The following SLC12A2 variants were observed in gnomAD, a reference collection of about 807,000 sequenced individuals.
SLC12A2 encodes the protein Na-K-2Cl cotransporter 1.
In SLC12A2, 67 loss-of-function variants were observed where a neutral mutation model predicts 136.3. The observed-to-expected ratio is 0.49, with a 90% confidence interval of 0.40 to 0.60. The LOEUF (loss-of-function observed/expected upper bound fraction) is 0.60, where lower values mean the gene tolerates loss of function less well. SLC12A2 is among the 20% of genes least tolerant of loss of function. SLC12A2 has a pLI of 0.00. For missense variants in SLC12A2, 1,322 were observed against 1,534.7 expected (o/e 0.86, Z 2.32); for synonymous variants, 619 against 562.9 (o/e 1.10, Z -1.41).
chr5:128,130,076 G>T, intron 4 of SLC12A2, among the ~76,000 whole-genome samples: 2 of 148,936 alleles, frequency 1.3e-5, no homozygotes, highest in South Asian at 2.1e-4. Flanking sequence ...ACCACAAATT[G>T]TCTTAATTAA....
At chr5:128,158,948 A>G (rs1404983660) in intron 16 of SLC12A2, among the ~76,000 whole-genome samples, 1 of 147,956 alleles carries the variant, frequency 6.8e-6, no homozygotes, top group Non-Finnish European at 1.5e-5. Flanking sequence ...TTTATGCTGT[A>G]TATAATTTGT....
chr5:128,165,169 C>G (rs1450624845), intron 17 of SLC12A2, among the ~76,000 whole-genome samples: 2 of 152,088 alleles, frequency 1.3e-5, no homozygotes, highest in African/African-American at 4.8e-5. Flanking sequence ...AAAAAAGAGA[C>G]AATCTTATCA....
At chr5:128,098,670 A>G (rs940658741) in intron 1 of SLC12A2, among the ~76,000 whole-genome samples, 2 of 151,746 alleles carry the variant, frequency 1.3e-5, no homozygotes, top group Non-Finnish European at 2.9e-5. Flanking sequence ...GGCACTTTTT[A>G]TCTAGGCTCA....
At chr5:128,109,313 T>G (rs1218589035) in intron 1 of SLC12A2, among the ~76,000 whole-genome samples, 1 of 152,258 alleles carries the variant, frequency 6.6e-6, no homozygotes, top group East Asian at 1.9e-4. Context: ...GTGATTGTCC[T>G]GGGGCGGCGG....
At chr5:128,179,645 T>C (rs964775183) in intron 22 of SLC12A2, among the ~76,000 whole-genome samples, 3 of 151,946 alleles carry the variant, frequency 2.0e-5, no homozygotes, top group Non-Finnish European at 4.4e-5. Context: ...GAGAGAGTCA[T>C]AGAGAGGAGA....
At chr5:128,154,535 C>T (rs1213659841) in intron 15 of SLC12A2, among the ~76,000 whole-genome samples, 1 of 152,086 alleles carries the variant, frequency 6.6e-6, no homozygotes, top group Admixed American at 6.5e-5. Flanking sequence ...TAGTTGCCTG[C>T]TCCTCATATC....
At chr5:128,104,481 A>G (rs1236039197) in intron 1 of SLC12A2, among the ~76,000 whole-genome samples, 1 of 151,964 alleles carries the variant, frequency 6.6e-6, no homozygotes, top group African/African-American at 2.4e-5. Context: ...AAAAATACAA[A>G]ATTAGCCGGA....
rs536281134 is a variant in SLC12A2, at chr5:128,188,695, T to C, written c.*2064T>C. 6.6e-6 allele frequency: 1 copy of C among 150,642 alleles called. No individual in the cohort carries two copies. The highest frequency in any genetic ancestry group is 6.6e-5 in the Admixed American group (1 of 15,078). The allele number at this position is 150,642 out of a possible 1,614,324, so 9.3% of individuals were successfully genotyped here. On this transcript the variant is annotated 3_prime_UTR_variant, in exon 27 of 27. Coordinates refer to ENST00000262461, the MANE Select transcript of SLC12A2 (RefSeq NM_001046.3). Reference sequence around the variant, plus strand: ...ACCTAGGTATAGAGATCTGATAACTTGAATTCAGAATATTAAGAAAATGAA... The same window carrying C: ...ACCTAGGTATAGAGATCTGATAACTCGAATTCAGAATATTAAGAAAATGAA...
In SLC12A2 at chr5:128,114,493, G is replaced by A. The variant is rs1213457435; in HGVS notation, c.953-93G>A. 4 of 892,038 alleles carry A rather than the reference G, an allele frequency of 4.5e-6. No homozygotes were observed. In the East Asian group the frequency reaches 7.5e-5, roughly 17 times the overall value. 55.3% of individuals were successfully genotyped at this position (892,038 alleles called of 1,614,324 possible). On this transcript the variant is annotated intron_variant, in intron 3 of 26. Transcript: ENST00000262461. ...AATTGGGTAATTTATAACTTAAAATGTAGATTCAGTATTCTTAGACCAACC... is the reference window on the plus strand; with the variant it reads ...AATTGGGTAATTTATAACTTAAAATATAGATTCAGTATTCTTAGACCAACC...
At chr5:128,186,473 T>C in intron 26 of SLC12A2, 23 bp from the exon 27 acceptor site, 1 of 1,569,276 alleles carries the variant, frequency 6.4e-7, no homozygotes, top group Non-Finnish European at 8.6e-7. Context: ...TTTTTTTTTT[T>C]CTTTTTCTCT....
intron 1 of SLC12A2, among the ~76,000 whole-genome samples, chr5:128,099,619 T>C (rs759706962): frequency 6.6e-6 from 1 of 152,218 alleles, no homozygotes; most frequent in Admixed American, 6.5e-5. Flanking sequence ...CACAGACATA[T>C]TGTACAAGTG....
chr5:128,169,773 T>A (rs1763312623), intron 18 of SLC12A2: 1 of 152,142 alleles, frequency 6.6e-6, no homozygotes, highest in African/African-American at 2.4e-5. Flanking sequence ...AAAAGTGACA[T>A]TTTTTACAAA....
chr5:128,152,645 T>C (rs1762740248), intron 14 of SLC12A2, 61 bp from the exon 15 acceptor site: 2 of 981,246 alleles, frequency 2.0e-6, no homozygotes, highest in East Asian at 2.4e-5. Context: ...ATGCCTCAGA[T>C]TGGCTATTGA....
chr5:128,108,929 G>A (rs954888417), intron 1 of SLC12A2, among the ~76,000 whole-genome samples: 1 of 152,132 alleles, frequency 6.6e-6, no homozygotes, highest in Admixed American at 6.5e-5. Context: ...ATCATTGGTT[G>A]ATAATAGTTA....
chr5:128,090,542 G>A (rs1029181505), intron 1 of SLC12A2, among the ~76,000 whole-genome samples: 1 of 152,146 alleles, frequency 6.6e-6, no homozygotes, highest in African/African-American at 2.4e-5. Context: ...AAATGCTGGG[G>A]ATATAGCAGT....
intron 1 of SLC12A2, among the ~76,000 whole-genome samples, chr5:128,104,520 T>G (rs1376487591): frequency 6.6e-6 from 1 of 151,900 alleles, no homozygotes; most frequent in Non-Finnish European, 1.5e-5. Flanking sequence ...TAATCCCAGC[T>G]ACTTGGGAGG....
intron 10 of SLC12A2, among the ~76,000 whole-genome samples, chr5:128,144,608 C>T (rs1307293596): frequency 6.6e-6 from 1 of 152,176 alleles, no homozygotes; most frequent in Non-Finnish European, 1.5e-5. Flanking sequence ...AATCTTTAGT[C>T]TAAATCAGTC....
At chr5:128,139,800 C>T (rs1330627075) in intron 9 of SLC12A2, among the ~76,000 whole-genome samples, 1 of 152,134 alleles carries the variant, frequency 6.6e-6, no homozygotes, top group Non-Finnish European at 1.5e-5. Context: ...ATAGGCTACA[C>T]AATATGAGGT....
intron 1 of SLC12A2, chr5:128,109,999 C>T (rs980355197): frequency 1.1e-5 from 12 of 1,066,420 alleles, no homozygotes; most frequent in African/African-American, 1.5e-5. Context: ...ACTGTGGATC[C>T]AGAAAAGATT....
Sources: gnomAD v4.1 joint callset for allele counts (sites outside exome capture counted in the v4.1 genomes callset) on GRCh38, gnomAD v4.1.1 for gene constraint, MANE v1.5 for transcripts, NCBI Gene and HGNC (gene_info 2026-07-23, HGNC 2026-07-21) for gene names.